The following C2orf74 variants were observed in gnomAD, a reference collection of about 807,000 sequenced individuals.
C2orf74 encodes DPM1 ER membrane anchor 1.
Under a neutral mutation model 17.9 loss-of-function variants are expected in C2orf74, and 14 were observed. The observed-to-expected ratio is 0.78, with a 90% CI of 0.52 to 1.22. C2orf74 has a LOEUF of 1.22. C2orf74 is among the 50% of genes most tolerant of loss of function. The pLI is 0.00. For synonymous variants in C2orf74, 79 were observed against 72.6 expected (o/e 1.09, Z -0.44); for missense variants, 217 against 218.4 (o/e 0.99, Z 0.04).
At chr2:61,154,266 A>G (rs1025345829) in intron 1 of C2orf74, among the ~76,000 whole-genome samples, 1 of 152,000 alleles carries the variant, frequency 6.6e-6, no homozygotes, top group Non-Finnish European at 1.5e-5. Context: ...TTAGAATTCA[A>G]AAGTTCAAAT....
rs1038033082 is a variant in C2orf74 at position 61,155,354 on chromosome 2, G to T, written c.-121-7488G>T. 2.0e-5 allele frequency among the ~76,000 whole-genome samples: 3 copies of T among 152,024 alleles called. No homozygotes were observed. The East Asian group carries it at 5.8e-4, about 29-fold the overall frequency. ...TAACAATTTCTGTCTCATCACCAAT[G>T]AATTTTTATTTCTCTTTTGATTTTT... On this transcript the variant is annotated intron_variant, in intron 1 of 3. Coordinates refer to the C2orf74 transcript ENST00000426997.
chr2:61,157,812 T>TTGAG, upstream of C2orf74: 1 of 462,154 alleles, frequency 2.2e-6, no homozygotes, highest in Non-Finnish European at 4.5e-6. Context: ...ACGGAGTCCT[T>TTGAG]TGAGCGTGCT....
Position 61,163,232 on chromosome 2 carries a change from G to T in C2orf74, c.390G>T (p.Glu130Asp). ...ATGCTGGAGAAACTGGTCAAGAAGAGGTGATGTGTTTTTCTACTCTCAAAG... is the reference window on the plus strand; with the variant it reads ...ATGCTGGAGAAACTGGTCAAGAAGATGTGATGTGTTTTTCTACTCTCAAAG... ...PENAGETGQE[E>D]DDGLQKIHTS... Residue 130 changes from glutamate (E) to aspartate (D), a missense_variant and splice_region_variant, in exon 4 of 5, where the codon GAG becomes GAT. Physicochemically the swap from Glu to Asp is conservative, Grantham distance 45 (BLOSUM62 2). Coordinates refer to ENST00000432605, the MANE Select transcript of C2orf74 (RefSeq NM_001143959.4). The T allele has an allele frequency of 1.3e-6, 2 of 1,549,168 alleles. No individual in the cohort carries two copies. The highest frequency in any genetic ancestry group is 1.2e-5 in the South Asian group (1 of 83,532).
At chr2:61,164,131 A>C (rs1685657913) in intron 4 of C2orf74, among the ~76,000 whole-genome samples, 1 of 152,130 alleles carries the variant, frequency 6.6e-6, no homozygotes, top group Non-Finnish European at 1.5e-5. Context: ...CACTTCATGG[A>C]GAGAATTACA....
At chr2:61,148,772 A>C (rs1685140964) in intron 1 of C2orf74, among the ~76,000 whole-genome samples, 1 of 152,004 alleles carries the variant, frequency 6.6e-6, no homozygotes, top group Non-Finnish European at 1.5e-5. Flanking sequence ...GCTGGAGTGC[A>C]ATGGCACAAT....
chr2:61,149,054 G>A (rs1177547463), intron 1 of C2orf74, among the ~76,000 whole-genome samples: 4 of 152,188 alleles, frequency 2.6e-5, no homozygotes, highest in Admixed American at 6.6e-5. Flanking sequence ...TCCACAATCT[G>A]TCTAACCTCC....
At chr2:61,149,525 G>T (rs1032122860) in intron 1 of C2orf74, among the ~76,000 whole-genome samples, 3 of 151,088 alleles carry the variant, frequency 2.0e-5, no homozygotes, top group Non-Finnish European at 4.4e-5. Flanking sequence ...AAATAGGGAC[G>T]CTGTGGACTT....
chr2:61,158,037 A>G (rs748722254), upstream of C2orf74: 5 of 470,698 alleles, frequency 1.1e-5, no homozygotes, highest in South Asian at 7.7e-5. Flanking sequence ...AGGACTGCTT[A>G]TTCTGTATGG....
At chr2:61,149,828 C>G (rs1685175690) in intron 1 of C2orf74, among the ~76,000 whole-genome samples, 1 of 152,128 alleles carries the variant, frequency 6.6e-6, no homozygotes, top group South Asian at 2.1e-4. Flanking sequence ...ATCCGCCTGC[C>G]TTGGCCTCCC....
chr2:61,155,477 T>G (rs1276143579), intron 1 of C2orf74, among the ~76,000 whole-genome samples: 1 of 151,688 alleles, frequency 6.6e-6, no homozygotes, highest in African/African-American at 2.4e-5. Context: ...TGCAAGCTAA[T>G]GAGATGGATT....
intron 1 of C2orf74, among the ~76,000 whole-genome samples, chr2:61,146,703 G>C (rs1036261200): frequency 6.6e-6 from 1 of 152,074 alleles, no homozygotes; most frequent in Non-Finnish European, 1.5e-5. Context: ...GCGTGGTGGC[G>C]CATGCCTGTG....
At chr2:61,160,815 G>A (rs745820623), upstream of C2orf74, among the ~76,000 whole-genome samples, 2 of 152,156 alleles carry the variant, frequency 1.3e-5, no homozygotes, top group Non-Finnish European at 2.9e-5. Flanking sequence ...TCCATCCTTC[G>A]ATGGACATTT....
chr2:61,152,661 CA>C (rs1393383656), intron 1 of C2orf74, among the ~76,000 whole-genome samples: 101 of 151,190 alleles, frequency 6.7e-4, no homozygotes, highest in African/African-American at 2.3e-3. Flanking sequence ...TCAGCCTGGG[CA>C]ACATGGTGAA....
At chr2:61,157,552 A>T (rs1685428554), upstream of C2orf74, among the ~76,000 whole-genome samples, 1 of 152,220 alleles carries the variant, frequency 6.6e-6, no homozygotes. Flanking sequence ...CTGAAAGTCC[A>T]GCTTCCTGTC....
chr2:61,161,096 C>G (rs1365837545), upstream of C2orf74, among the ~76,000 whole-genome samples: 1 of 152,082 alleles, frequency 6.6e-6, no homozygotes, highest in African/African-American at 2.4e-5. Context: ...AATAATAACC[C>G]CCCTATTGGG....
At chr2:61,150,083 A>G (rs1417156765) in intron 1 of C2orf74, among the ~76,000 whole-genome samples, 2 of 152,194 alleles carry the variant, frequency 1.3e-5, no homozygotes, top group South Asian at 2.1e-4. Context: ...ATGGAAGAAT[A>G]CTATAGCAAG....
chr2:61,159,036 C>T (rs1451561144), upstream of C2orf74, among the ~76,000 whole-genome samples: 5 of 151,962 alleles, frequency 3.3e-5, no homozygotes, highest in East Asian at 1.9e-4. Flanking sequence ...CTCACTCTGT[C>T]GCCAGGCTGG....
chr2:61,157,146 G>A (rs1227968374), intron 1 of C2orf74, among the ~76,000 whole-genome samples: 1 of 152,116 alleles, frequency 6.6e-6, no homozygotes, highest in African/African-American at 2.4e-5. Context: ...GTTCAAGCGA[G>A]TCTCCTGCCT....
chr2:61,150,254 G>C (rs1685187167), intron 1 of C2orf74, among the ~76,000 whole-genome samples: 2 of 152,158 alleles, frequency 1.3e-5, no homozygotes, highest in South Asian at 4.1e-4. Flanking sequence ...TCCTGGGATG[G>C]AGGTGCACCT....
Sources: allele counts gnomAD v4.1 joint callset (sites outside exome capture counted in the v4.1 genomes callset), GRCh38; gene constraint gnomAD v4.1.1; transcripts MANE v1.5; gene names NCBI Gene and HGNC (gene_info 2026-07-23, HGNC 2026-07-21).